Variants in LRRC7 observed in about 807,000 individuals in gnomAD.
LRRC7 encodes leucine rich repeat containing 7.
LRRC7 carries 23 observed loss-of-function variants against 175.7 expected under a neutral mutation model. The ratio of observed to expected loss-of-function variants is 0.13; its 90% CI spans 0.09 to 0.19. LRRC7 has a LOEUF of 0.19. LRRC7 is among the 10% of genes least tolerant of loss of function. The probability of loss-of-function intolerance (pLI) is 1.00; values close to 1 mark genes in which losing one functional copy is unlikely to be tolerated. For synonymous variants in LRRC7, 685 were observed against 680.9 expected, an observed-to-expected ratio of 1.01 and a Z score of -0.09; for missense variants, 1,354 against 1,904.7, an observed-to-expected ratio of 0.71 and a Z score of 5.38.
At chr1:69,764,781 A>G (rs139247738) in intron 3 of LRRC7, among the ~76,000 whole-genome samples, 1 of 141,672 alleles carries the variant, frequency 7.1e-6, no homozygotes, top group Non-Finnish European at 1.6e-5. Flanking sequence ...AGATAGATAG[A>G]CAGACAGACA....
intron 1 of LRRC7, among the ~76,000 whole-genome samples, chr1:69,576,599 A>C (rs1182294040): frequency 2.0e-5 from 3 of 152,244 alleles, no homozygotes; most frequent in African/African-American, 7.2e-5. Context: ...ACACAGTCCC[A>C]TCTAATAACC....
rs149377532 is a variant in LRRC7, at chr1:69,913,441, T to TTTAATA, written c.648-18061_648-18060insATTAAT. On this transcript the variant is annotated intron_variant, in intron 7 of 26. Coordinates refer to ENST00000651989, the MANE Select transcript of LRRC7 (RefSeq NM_001370785.2). The stretch of plus-strand genomic sequence containing the variant: ...TTTATCTGCCATCAGACACTAGGTA[T>TTTAATA]TTAATGTTTCCTGGTTTATAACAAC... 1.5e-3 allele frequency among the ~76,000 whole-genome samples: 228 copies of TTTAATA among 151,726 alleles called. 1 individual carries two copies. The highest frequency in any genetic ancestry group is 0.011 in the South Asian group (51 of 4,820).
intron 7 of LRRC7, chr1:69,919,417 C>A: frequency 2.4e-6 from 2 of 822,460 alleles, no homozygotes; most frequent in African/African-American, 1.7e-5. Context: ...CCCCTCAGGC[C>A]GAGGGTACTA....
intron 7 of LRRC7, among the ~76,000 whole-genome samples, chr1:69,842,978 C>G (rs1468587063): frequency 1.3e-5 from 2 of 152,028 alleles, no homozygotes; most frequent in Non-Finnish European, 2.9e-5. Context: ...GCAGGCCAAT[C>G]ACTTGAGGTC....
chr1:69,617,547 T>TAAAAAA lies in LRRC7; in HGVS notation c.2+48926_2+48931dup, dbSNP rs11473590. Among the ~76,000 whole-genome samples the TAAAAAA allele has an allele frequency of 5.5e-3, 340 of 62,004 alleles. 18 individuals carry two copies. Among genetic ancestry groups the TAAAAAA allele is most frequent in the African/African-American group, 0.018 (295 of 16,444 alleles). The allele number at this position is 62,004 out of a possible 152,430, so 40.7% of individuals were successfully genotyped here. On this transcript the variant is annotated intron_variant, in intron 1 of 26. Transcript: ENST00000651989. The stretch of plus-strand genomic sequence containing the variant: ...GCTGAAGGTTGTTATATACTCACAG[T>TAAAAAA]AAAAAAAAAAAAAAAAAAAAAAAAA...
In LRRC7 at chr1:70,117,058, A is replaced by T. The variant is rs539497229; in HGVS notation, c.4621-4722A>T. Among the ~76,000 whole-genome samples the T allele has an allele frequency of 4.9e-4, 74 of 152,334 alleles. 1 individual carries two copies. The highest frequency in any genetic ancestry group is 1.8e-3 in the African/African-American group (73 of 41,582). On this transcript the variant is annotated intron_variant, in intron 26 of 26. Coordinates refer to ENST00000651989, the MANE Select transcript of LRRC7 (RefSeq NM_001370785.2). The stretch of plus-strand genomic sequence containing the variant: ...ATCAATGTACTAATATTTCTCTAAC[A>T]TACAAAATTTATGTGTACTGGTCCT...
intron 22 of LRRC7, among the ~76,000 whole-genome samples, chr1:70,050,692 C>T (rs912151090): frequency 2.6e-5 from 4 of 151,902 alleles, no homozygotes; most frequent in African/African-American, 9.7e-5. Flanking sequence ...TCCTTTTAGC[C>T]TTTAATAGAA....
chr1:69,881,102 A>T (rs1372482420), intron 7 of LRRC7, among the ~76,000 whole-genome samples: 1 of 152,218 alleles, frequency 6.6e-6, no homozygotes, highest in Non-Finnish European at 1.5e-5. Context: ...TATTTTAATT[A>T]GTTGTTTCAA....
intron 1 of LRRC7, among the ~76,000 whole-genome samples, chr1:69,642,098 CT>C (rs1246697782): frequency 1.3e-5 from 2 of 151,680 alleles, no homozygotes; most frequent in Non-Finnish European, 3.0e-5. Context: ...ATTTGAAAAC[CT>C]TTGAGGAAGC....
chr1:69,609,894 T>A (rs960340234), intron 1 of LRRC7, among the ~76,000 whole-genome samples: 1 of 151,970 alleles, frequency 6.6e-6, no homozygotes, highest in Non-Finnish European at 1.5e-5. Flanking sequence ...TTCCAGAAAA[T>A]TTTTCACAAT....
chr1:69,639,931 C>T (rs1050312004), intron 1 of LRRC7, among the ~76,000 whole-genome samples: 2 of 151,686 alleles, frequency 1.3e-5, no homozygotes, highest in African/African-American at 2.4e-5. Flanking sequence ...AAAATAAAAA[C>T]GTGCAGTTTG....
chr1:69,952,055 G>T (rs1321361406), intron 8 of LRRC7, among the ~76,000 whole-genome samples: 1 of 151,796 alleles, frequency 6.6e-6, no homozygotes, highest in African/African-American at 2.4e-5. Flanking sequence ...TATGAAAATG[G>T]ATAAAAACAG....
At chr1:69,574,939 G>C (rs1314181077) in intron 1 of LRRC7, among the ~76,000 whole-genome samples, 2 of 152,164 alleles carry the variant, frequency 1.3e-5, no homozygotes, top group Admixed American at 1.3e-4. Context: ...CTTAGAGTGA[G>C]TGTTAAATAT....
intron 4 of LRRC7, among the ~76,000 whole-genome samples, chr1:69,807,840 G>T (rs886733109): frequency 5.3e-5 from 8 of 151,854 alleles, no homozygotes; most frequent in African/African-American, 1.5e-4. Flanking sequence ...TTGAATGTTG[G>T]CCTGTCTTGC....
At chr1:69,781,679 C>CAAAA (rs201837300) in intron 3 of LRRC7, among the ~76,000 whole-genome samples, 5 of 72,152 alleles carry the variant, frequency 6.9e-5, no homozygotes, top group African/African-American at 3.5e-4. Flanking sequence ...AAGACTGTCT[C>CAAAA]AAAAAAAAGA....
In LRRC7 at chr1:70,136,464, G is replaced by A. The variant is rs987901324; in HGVS notation, c.*14577G>A. 6.6e-5 allele frequency among the ~76,000 whole-genome samples: 10 copies of A among 151,828 alleles called. No individual in the cohort carries two copies. Among genetic ancestry groups the A allele is most frequent in the Non-Finnish European group, 1.3e-4 (9 of 67,982 alleles). On this transcript the variant is annotated 3_prime_UTR_variant, in exon 27 of 27. Transcript: ENST00000651989. ...TAAAACAATTTGCCTTTTTCTCACT[G>A]TGCATTCAATTTAATCAACAAATGT...
At chr1:69,828,285 AC>A (rs1680154662) in intron 5 of LRRC7, among the ~76,000 whole-genome samples, 1 of 152,014 alleles carries the variant, frequency 6.6e-6, no homozygotes, top group African/African-American at 2.4e-5. Flanking sequence ...TATTGAGTGA[AC>A]CCCTAGGAGT....
chr1:69,909,606 T>A (rs552733474), intron 7 of LRRC7, among the ~76,000 whole-genome samples: 14 of 152,316 alleles, frequency 9.2e-5, no homozygotes, highest in African/African-American at 3.4e-4. Context: ...GCCCCCACTC[T>A]CTTCTGGCTT....
chr1:69,849,107 G>A (rs962606736), intron 7 of LRRC7, among the ~76,000 whole-genome samples: 1 of 151,866 alleles, frequency 6.6e-6, no homozygotes, highest in Non-Finnish European at 1.5e-5. Flanking sequence ...CTACTTAACA[G>A]CAATCTTTTC....
Sources: gnomAD v4.1 joint callset for allele counts (sites outside exome capture counted in the v4.1 genomes callset) on GRCh38, gnomAD v4.1.1 for gene constraint, MANE v1.5 for transcripts, NCBI Gene and HGNC (gene_info 2026-07-23, HGNC 2026-07-21) for gene names.